The following TNFSF15 variants were observed in gnomAD, a reference collection of about 807,000 sequenced individuals.
TNFSF15 encodes TNF superfamily member 15, also known as tumor necrosis factor ligand superfamily member 15.
TNFSF15 carries 15 observed loss-of-function variants against 26.4 expected under a neutral mutation model. The ratio of observed to expected loss-of-function variants is 0.57; its 90% CI spans 0.38 to 0.87. The LOEUF is 0.87. Among genes scored for constraint, TNFSF15 ranks in the 40% least tolerant of loss-of-function variants. The pLI, the probability that TNFSF15 is intolerant of heterozygous loss-of-function variation, is 0.00. For synonymous variants in TNFSF15, 116 were observed against 115.0 expected (o/e 1.01, Z -0.06); for missense variants, 290 against 306.1 (o/e 0.95, Z 0.39).
chr9:114,802,275 C>T (rs1040049472), intron 1 of TNFSF15, among the ~76,000 whole-genome samples: 6 of 152,060 alleles, frequency 3.9e-5, no homozygotes, highest in South Asian at 4.1e-4. Flanking sequence ...GTTTTTGAGA[C>T]GGAGTCTTGC....
rs956900052 is a variant in TNFSF15, at chr9:114,786,057, T to G, written c.*4395A>C. 19 of 152,368 alleles carry G rather than the reference T, an allele frequency of 1.2e-4. No individual in the cohort carries two copies. The highest frequency in any genetic ancestry group is 4.6e-4 in the African/African-American group (19 of 41,444). 9.4% of individuals were successfully genotyped at this position (152,368 alleles called of 1,614,324 possible). A position where few individuals can be genotyped will look rare whatever the true frequency, so the allele number is the denominator to read the frequency against. ...AGAGGGTGACGGGGCATGGAGGTGA[T>G]GGCTCTGATCCACATTCTCTCACCA... On this transcript the variant is annotated 3_prime_UTR_variant, in exon 4 of 4. Transcript: ENST00000374045.
At chr9:114,805,508 T>C (rs986537198) in intron 1 of TNFSF15, among the ~76,000 whole-genome samples, 1 of 152,284 alleles carries the variant, frequency 6.6e-6, no homozygotes, top group African/African-American at 2.4e-5. Flanking sequence ...GTTTTTTTCT[T>C]AAATAAAAAG....
At position 114,786,294 on chromosome 9, in the gene TNFSF15, C is replaced by G. The variant is rs1829498729; in HGVS notation, c.*4158G>C. On this transcript the variant is annotated 3_prime_UTR_variant, in exon 4 of 4. Transcript: ENST00000374045. Reference sequence around the variant, plus strand: ...GATGTTTGCATGTGTTTTTAAGGTACAGAATATAAACAGTTCTGTCTTGCA... The same window carrying G: ...GATGTTTGCATGTGTTTTTAAGGTAGAGAATATAAACAGTTCTGTCTTGCA... 6.6e-6 allele frequency: 1 copy of G among 152,174 alleles called. No individual in the cohort carries two copies. Among genetic ancestry groups the G allele is most frequent in the African/African-American group, 2.4e-5 (1 of 41,432 alleles). 9.4% of individuals were successfully genotyped at this position (152,174 alleles called of 1,614,324 possible).
rs376523392 is a variant in TNFSF15 at position 114,805,794 on chromosome 9, G to C, written c.210+9C>G. 8 of 1,612,068 alleles carry C rather than the reference G, an allele frequency of 5.0e-6. No individual in the cohort carries two copies. The African/African-American group carries it at 1.1e-4, about 22-fold the overall frequency. On this transcript the variant is annotated intron_variant, in intron 1 of 3. Coordinates refer to ENST00000374045, the MANE Select transcript of TNFSF15 (RefSeq NM_005118.4). ...CTCCTCCCCAAGGTCAGAGTGCCAT[G>C]TGGCTTACCTGGAACTGCACACAGG... is the stretch of plus-strand genomic sequence containing the variant.
chr9:114,790,817 G>A lies in TNFSF15; in HGVS notation c.391C>T (p.Arg131Ter), dbSNP rs752880973. 7 of 1,613,980 alleles carry A rather than the reference G, an allele frequency of 4.3e-6. No individual in the cohort carries two copies. Among genetic ancestry groups the A allele is most frequent in the East Asian group, 4.5e-5 (2 of 44,886 alleles). ...HELGLAFTKN[R>*]MNYTNKFLLI... ...AGGAATTTGTTGGTATAGTTCATTC[G>A]GTTCTTGGTGAAGGCCAGGCCTAGT... The change falls in exon 4 of 4, where the codon CGA becomes TGA. Residue 131 changes from arginine (R) to a stop codon, truncating the protein, a stop_gained. Transcript: ENST00000374045. LOFTEE classifies it high-confidence loss of function.
At position 114,790,607 on chromosome 9, in the gene TNFSF15, C is replaced by T; in HGVS notation, c.601G>A (p.Val201Ile). The T allele has an allele frequency of 6.2e-7, 1 of 1,614,108 alleles. No homozygotes were observed. ...AACCAGTTGCTACCTACTTCGCATA[C>T]AGACTTGGTCCCCATGAGGAGCTGG... ...PTQLLMGTKS[V>I]CEVGSNWFQP... Residue 201 changes from valine to isoleucine, a missense_variant, in exon 4 of 4, where the codon GTA becomes ATA. Val to Ile is a conservative substitution (Grantham distance 29, BLOSUM62 3). This residue lies in a region of TNFSF15 where 102 missense variants were observed against 114.7 expected (regional missense o/e 0.89). Coordinates refer to ENST00000374045, the MANE Select transcript of TNFSF15 (RefSeq NM_005118.4).
At chr9:114,804,084 A>T (rs529951848) in intron 1 of TNFSF15, among the ~76,000 whole-genome samples, 26 of 152,294 alleles carry the variant, frequency 1.7e-4, no homozygotes, top group African/African-American at 6.0e-4. Flanking sequence ...TTTTCTTCTG[A>T]CACACTAAGA....
intron 1 of TNFSF15, among the ~76,000 whole-genome samples, chr9:114,796,211 T>C (rs193191986): frequency 6.6e-6 from 1 of 152,342 alleles, no homozygotes; most frequent in Non-Finnish European, 1.5e-5. Context: ...CTCTCCTGGA[T>C]TCTTTCATCA....
At chr9:114,798,136 C>T (rs1475502339) in intron 1 of TNFSF15, among the ~76,000 whole-genome samples, 1 of 152,178 alleles carries the variant, frequency 6.6e-6, no homozygotes. Flanking sequence ...CTTCATCAGG[C>T]TCTGTGTGGA....
chr9:114,793,010 T>C (rs1829626631), intron 2 of TNFSF15, among the ~76,000 whole-genome samples: 2 of 152,200 alleles, frequency 1.3e-5, no homozygotes, highest in South Asian at 4.1e-4. Flanking sequence ...CTATTAGTTC[T>C]TGAGAAGACC....
intron 1 of TNFSF15, among the ~76,000 whole-genome samples, chr9:114,799,461 G>C (rs1281131371): frequency 6.6e-6 from 1 of 152,172 alleles, no homozygotes; most frequent in Non-Finnish European, 1.5e-5. Context: ...TTATCACAAG[G>C]AGTAGATTTG....
chr9:114,792,281 G>A, intron 3 of TNFSF15, 126 bp downstream of exon 3: 1 of 1,073,602 alleles, frequency 9.3e-7, no homozygotes, highest in South Asian at 1.6e-5. Flanking sequence ...ATATTGAGGG[G>A]AGGAGTCTCT....
chr9:114,799,940 G>C (rs1164944349), intron 1 of TNFSF15, among the ~76,000 whole-genome samples: 1 of 152,180 alleles, frequency 6.6e-6, no homozygotes, highest in Non-Finnish European at 1.5e-5. Context: ...TTCCAGGTAT[G>C]CTGGTGCTTC....
Position 114,790,422 on chromosome 9 carries a change from G to T in TNFSF15, c.*30C>A. The T allele has an allele frequency of 6.5e-7, 1 of 1,530,056 alleles. No homozygotes were observed. The highest frequency in any genetic ancestry group is 1.3e-5 in the South Asian group (1 of 77,522). 94.8% of individuals were successfully genotyped at this position (1,530,056 alleles called of 1,614,324 possible). A position where few individuals can be genotyped will look rare whatever the true frequency, so the allele number is the denominator to read the frequency against. On this transcript the variant is annotated 3_prime_UTR_variant, in exon 4 of 4. Transcript: ENST00000374045. ...GAAAATTAGGAACTCGGTGGCAGAG[G>T]ACTTTCATATAATGATATTTGCTCT... is the stretch of plus-strand genomic sequence containing the variant.
intron 1 of TNFSF15, among the ~76,000 whole-genome samples, chr9:114,795,004 T>C (rs1265748828): frequency 2.6e-5 from 4 of 152,278 alleles, no homozygotes; most frequent in Non-Finnish European, 4.4e-5. Context: ...AACTATATAT[T>C]ATACTGTACA....
rs1370504496 is a variant in TNFSF15 at position 114,790,428 on chromosome 9, CATATA to C, written c.*19_*23del. ...TAGGAACTCGGTGGCAGAGGACTTT[CATATA>C]ATGATATTTGCTCTCCTCCTATAGT... On this transcript the variant is annotated 3_prime_UTR_variant, in exon 4 of 4. Coordinates refer to ENST00000374045, the MANE Select transcript of TNFSF15 (RefSeq NM_005118.4). 1 of 1,540,908 alleles carries C rather than the reference CATATA, an allele frequency of 6.5e-7. No homozygotes were observed. The highest frequency in any genetic ancestry group is 1.4e-5 in the African/African-American group (1 of 72,138).
At chr9:114,794,831 C>T (rs12336261) in intron 1 of TNFSF15, among the ~76,000 whole-genome samples, 1,994 of 152,226 alleles carry the variant, frequency 0.013, 20 homozygotes, top group Middle Eastern at 0.054. Context: ...GAGTCGGTCT[C>T]ATGCGAGTAA....
chr9:114,787,640 A>T lies in TNFSF15; in HGVS notation c.*2812T>A, dbSNP rs904429145. ...TTTTAGGGGAACATCACATGATCTT[A>T]AAAGCATTTTCCCACCTCACTTTTG... On this transcript the variant is annotated 3_prime_UTR_variant, in exon 4 of 4. Coordinates refer to ENST00000374045, the MANE Select transcript of TNFSF15 (RefSeq NM_005118.4). 2.0e-5 allele frequency: 3 copies of T among 153,494 alleles called. No homozygotes were observed. Among genetic ancestry groups the T allele is most frequent in the Non-Finnish European group, 2.9e-5 (2 of 68,034 alleles). The allele number at this position is 153,494 out of a possible 1,614,324, so 9.5% of individuals were successfully genotyped here. A position where few individuals can be genotyped will look rare whatever the true frequency, so the allele number is the denominator to read the frequency against.
chr9:114,801,033 T>C (rs1829741132), intron 1 of TNFSF15, among the ~76,000 whole-genome samples: 1 of 151,594 alleles, frequency 6.6e-6, no homozygotes, highest in Admixed American at 6.6e-5. Flanking sequence ...GTGGGGAGAG[T>C]GTGCAGATGA....
Sources: allele counts gnomAD v4.1 joint callset (sites outside exome capture counted in the v4.1 genomes callset), GRCh38; gene constraint gnomAD v4.1.1; regional missense constraint gnomAD v4.1.1; transcripts MANE v1.5; gene names NCBI Gene and HGNC (gene_info 2026-07-23, HGNC 2026-07-21).